Variants in ROBO1 observed in about 807,000 individuals in gnomAD.
ROBO1 encodes roundabout guidance receptor 1, also known as roundabout homolog 1.
Under a neutral mutation model 195.9 loss-of-function variants are expected in ROBO1, and 149 were observed. The ratio of observed to expected loss-of-function variants is 0.76; its 90% CI spans 0.67 to 0.87. The LOEUF (loss-of-function observed/expected upper bound fraction) is 0.87, where lower values mean the gene tolerates loss of function less well. ROBO1 is among the 40% of genes least tolerant of loss of function. The probability of loss-of-function intolerance (pLI) is 0.00; values close to 1 mark genes in which losing one functional copy is unlikely to be tolerated. For missense variants in ROBO1, 1,933 were observed against 2,068.3 expected, an observed-to-expected ratio of 0.93 and a Z score of 1.27; for synonymous variants, 816 against 733.2, an observed-to-expected ratio of 1.11 and a Z score of -1.82.
In ROBO1 at chr3:78,614,807, A is replaced by G. The variant is rs1559648013; in HGVS notation, c.4283-7T>C. The G allele has an allele frequency of 1.9e-6, 3 of 1,555,972 alleles. No individual in the cohort carries two copies. In the Admixed American group the frequency reaches 6.0e-5, roughly 31 times the overall value. On this transcript the variant is annotated splice_polypyrimidine_tract_variant and splice_region_variant and intron_variant, in intron 27 of 30. Transcript: ENST00000464233. ...GCATGAAAATGTCGACGGCCTAAGG[A>G]GAAAAAAAAAAAAAATCCAAGCCAA...
At chr3:79,575,876 C>T (rs916110476) in intron 2 of ROBO1, among the ~76,000 whole-genome samples, 29 of 151,776 alleles carry the variant, frequency 1.9e-4, no homozygotes, top group Non-Finnish European at 5.9e-5. Flanking sequence ...ATATGTTTCC[C>T]TTGTTTGCCC....
chr3:79,514,008 T>C (rs1363776146), intron 2 of ROBO1, among the ~76,000 whole-genome samples: 1 of 152,224 alleles, frequency 6.6e-6, no homozygotes, highest in Non-Finnish European at 1.5e-5. Flanking sequence ...CAACTGTGAT[T>C]GAAAACCTTT....
At chr3:79,308,754 C>A (rs2033341801) in intron 2 of ROBO1, among the ~76,000 whole-genome samples, 1 of 152,130 alleles carries the variant, frequency 6.6e-6, no homozygotes, top group South Asian at 2.1e-4. Context: ...ACATCTTGGA[C>A]TTATCTTCTC....
At chr3:79,182,273 G>A (rs767529871) in intron 2 of ROBO1, among the ~76,000 whole-genome samples, 5 of 152,030 alleles carry the variant, frequency 3.3e-5, no homozygotes, top group Non-Finnish European at 7.4e-5. Context: ...AGTGTCAAAT[G>A]CATTTTGGGT....
chr3:79,684,961 A>G (rs1947057534), intron 1 of ROBO1, among the ~76,000 whole-genome samples: 1 of 151,962 alleles, frequency 6.6e-6, no homozygotes, highest in Non-Finnish European at 1.5e-5. Context: ...CAGGTACTCC[A>G]GGCATTTTAA....
At chr3:79,374,564 T>C (rs915329236) in intron 2 of ROBO1, among the ~76,000 whole-genome samples, 5 of 152,270 alleles carry the variant, frequency 3.3e-5, no homozygotes, top group African/African-American at 1.2e-4. Context: ...AACTTTGGTT[T>C]AATTTGATAA....
At chr3:79,591,968 G>T (rs1457924650) in intron 1 of ROBO1, among the ~76,000 whole-genome samples, 4 of 151,768 alleles carry the variant, frequency 2.6e-5, no homozygotes, top group African/African-American at 9.7e-5. Flanking sequence ...ATAAGCAGTT[G>T]TGTCTTAGCT....
chr3:78,885,704 T>C (rs2036519146), intron 4 of ROBO1, among the ~76,000 whole-genome samples: 2 of 151,030 alleles, frequency 1.3e-5, no homozygotes, highest in Admixed American at 1.3e-4. Flanking sequence ...TTAGTAAATG[T>C]GACACAGAGA....
chr3:78,769,605 C>T lies in ROBO1; in HGVS notation c.500-22705G>A, dbSNP rs2083314955. ...ATTGCTTTCATTGTGCTTTTTGTTG[C>T]CAGTGTACTTTGGTTTTTTTTTTTT... is the stretch of plus-strand genomic sequence containing the variant. On this transcript the variant is annotated intron_variant, in intron 4 of 30. Transcript: ENST00000464233. 3.0e-5 allele frequency among the ~76,000 whole-genome samples: 4 copies of T among 131,176 alleles called. No homozygotes were observed. In the South Asian group the frequency reaches 9.6e-4, roughly 31 times the overall value. 86.1% of individuals were successfully genotyped at this position (131,176 alleles called of 152,430 possible).
At chr3:79,546,016 G>A (rs992983999) in intron 2 of ROBO1, among the ~76,000 whole-genome samples, 4 of 151,806 alleles carry the variant, frequency 2.6e-5, no homozygotes, top group African/African-American at 4.8e-5. Flanking sequence ...CTTCCTCCTG[G>A]CCCTCTTCAG....
intron 3 of ROBO1, among the ~76,000 whole-genome samples, chr3:79,104,894 C>A (rs556552166): frequency 2.6e-5 from 4 of 151,778 alleles, no homozygotes; most frequent in Admixed American, 1.3e-4. Flanking sequence ...TAGAGACAGA[C>A]CCATACATAT....
chr3:79,481,267 G>T (rs866032715), intron 2 of ROBO1, among the ~76,000 whole-genome samples: 3 of 152,040 alleles, frequency 2.0e-5, no homozygotes, highest in Admixed American at 6.6e-5. Flanking sequence ...GAAAAATAAA[G>T]ATATTAGTAG....
intron 2 of ROBO1, among the ~76,000 whole-genome samples, chr3:79,267,992 G>C (rs1266140773): frequency 6.6e-6 from 1 of 151,504 alleles, no homozygotes; most frequent in Non-Finnish European, 1.5e-5. Context: ...CATATTTCAG[G>C]CTAAATTAGG....
intron 3 of ROBO1, among the ~76,000 whole-genome samples, chr3:78,976,898 G>A (rs912066924): frequency 3.3e-5 from 5 of 152,068 alleles, no homozygotes; most frequent in African/African-American, 1.2e-4. Context: ...CATGTAAACT[G>A]CACAAATTAT....
chr3:78,689,712 A>G (rs2081129588), intron 8 of ROBO1, among the ~76,000 whole-genome samples: 1 of 152,044 alleles, frequency 6.6e-6, no homozygotes, highest in Non-Finnish European at 1.5e-5. Flanking sequence ...AGCGACATTT[A>G]ATAGTTTCTA....
intron 1 of ROBO1, among the ~76,000 whole-genome samples, chr3:79,692,689 T>A (rs1045498874): frequency 6.6e-6 from 1 of 151,800 alleles, no homozygotes. Context: ...GAGATGTTGG[T>A]CAAAGAATGC....
At chr3:78,980,402 G>C (rs2076966604) in intron 3 of ROBO1, among the ~76,000 whole-genome samples, 2 of 151,980 alleles carry the variant, frequency 1.3e-5, no homozygotes, top group South Asian at 2.1e-4. Flanking sequence ...ACTTCAAGAG[G>C]AATCAACTAC....
At chr3:78,670,546 G>C (rs539818201) in intron 10 of ROBO1, 2 of 476,330 alleles carry the variant, frequency 4.2e-6, no homozygotes, top group African/African-American at 2.0e-5. Flanking sequence ...TCGTCAAGAG[G>C]CCTATTTAAA....
At chr3:79,741,866 C>G (rs1377989416) in intron 1 of ROBO1, among the ~76,000 whole-genome samples, 1 of 152,186 alleles carries the variant, frequency 6.6e-6, no homozygotes, top group Non-Finnish European at 1.5e-5. Context: ...AAAGGTCACT[C>G]ACTATGCTTT....
Sources: allele counts gnomAD v4.1 joint callset (sites outside exome capture counted in the v4.1 genomes callset), GRCh38; gene constraint gnomAD v4.1.1; transcripts MANE v1.5; gene names NCBI Gene and HGNC (gene_info 2026-07-23, HGNC 2026-07-21).